Variants in SAG observed in about 807,000 individuals in gnomAD.
SAG encodes the protein S-antigen visual arrestin.
Under a neutral mutation model 55.0 loss-of-function variants are expected in SAG, and 45 were observed. The ratio of observed to expected loss-of-function variants is 0.82; its 90% CI spans 0.64 to 1.05. The LOEUF is 1.05. SAG is among the 50% of genes least tolerant of loss of function. The pLI, the probability that SAG is intolerant of heterozygous loss-of-function variation, is 0.00. For missense variants in SAG, 455 were observed against 512.1 expected (o/e 0.89, Z 1.08); for synonymous variants, 189 against 197.4 (o/e 0.96, Z 0.36).
At chr2:233,336,424 A>G (rs1700929447) in intron 11 of SAG, among the ~76,000 whole-genome samples, 1 of 151,934 alleles carries the variant, frequency 6.6e-6, no homozygotes, top group South Asian at 2.1e-4. Context: ...CTGAGACAGG[A>G]GAATCGCTTG....
At chr2:233,329,084 G>T (rs1326454411) in intron 8 of SAG, 1 of 237,244 alleles carries the variant, frequency 4.2e-6, no homozygotes, top group Non-Finnish European at 8.2e-6. Flanking sequence ...GCTGGCCAAG[G>T]CTGGCTCTGG....
intron 11 of SAG, among the ~76,000 whole-genome samples, chr2:233,336,650 T>C (rs1025135636): frequency 9.2e-5 from 14 of 152,180 alleles, no homozygotes; most frequent in Admixed American, 7.9e-4. Context: ...TTATCCAAGG[T>C]CACTGAATCA....
At chr2:233,318,331 ATT>A (rs75087181) in intron 3 of SAG, among the ~76,000 whole-genome samples, 1 of 145,838 alleles carries the variant, frequency 6.9e-6, no homozygotes. Context: ...CACCCAGCTA[ATT>A]TTTTTTTTTT....
intron 2 of SAG, among the ~76,000 whole-genome samples, chr2:233,310,129 G>T (rs1298185184): frequency 6.6e-6 from 1 of 152,212 alleles, no homozygotes; most frequent in Non-Finnish European, 1.5e-5. Context: ...GTGTGCCCAT[G>T]AACTTCCTCG....
chr2:233,342,200 A>G (rs1254962086), intron 13 of SAG, 71 bp from the exon 14 acceptor site: 3 of 1,154,544 alleles, frequency 2.6e-6, no homozygotes, highest in African/African-American at 1.5e-5. Context: ...CTCCGCAGCC[A>G]TAGGTCTTTG....
rs1186498920 is a variant in SAG at position 233,346,383 on chromosome 2, C to T, written c.1103-20C>T. 1.2e-6 allele frequency: 2 copies of T among 1,613,338 alleles called. No homozygotes were observed. The highest frequency in any genetic ancestry group is 1.7e-6 in the Non-Finnish European group (2 of 1,179,298). The stretch of plus-strand genomic sequence containing the variant: ...CTCTCTCTCCCTCTTCCCTGCCTCC[C>T]TTTTATTCCATGCTTACAGCTAAGG... On this transcript the variant is annotated intron_variant, in intron 14 of 15. Transcript: ENST00000409110.
chr2:233,310,650 G>T (rs1403437017), intron 2 of SAG, among the ~76,000 whole-genome samples: 1 of 152,024 alleles, frequency 6.6e-6, no homozygotes, highest in Non-Finnish European at 1.5e-5. Context: ...GGGACTACAG[G>T]CATGTGCCAC....
At chr2:233,310,077 C>T (rs1015206101) in intron 2 of SAG, among the ~76,000 whole-genome samples, 2 of 152,204 alleles carry the variant, frequency 1.3e-5, no homozygotes, top group African/African-American at 2.4e-5. Flanking sequence ...CCCCAGTCTG[C>T]CCCCTTTCCA....
chr2:233,318,733 C>T lies in SAG; in HGVS notation c.137-18C>T. 6.2e-7 allele frequency: 1 copy of T among 1,612,502 alleles called. No homozygotes were observed. The highest frequency in any genetic ancestry group is 1.1e-5 in the South Asian group (1 of 91,044). ...TCATCTTCTCCACCCTCACTGCTCT[C>T]TCCCTCTTTTGCCTTAGATGGTGTC... On this transcript the variant is annotated intron_variant, in intron 3 of 15. Transcript: ENST00000409110.
rs990074402 is a variant in SAG, at chr2:233,315,993, C to T, written c.76-82C>T. On this transcript the variant is annotated intron_variant, in intron 2 of 15. Coordinates refer to ENST00000409110, the MANE Select transcript of SAG (RefSeq NM_000541.5). ...AAGATTACAGGTGTGAGCCACCGCG[C>T]CCGGGCTGCTGCTGGTTTTTATCAT... 28 of 823,372 alleles carry T rather than the reference C, an allele frequency of 3.4e-5. No individual in the cohort carries two copies. In the Admixed American group the frequency reaches 3.7e-4, roughly 11 times the overall value. The allele number at this position is 823,372 out of a possible 1,614,324, so 51.0% of individuals were successfully genotyped here.
chr2:233,330,026 T>A (rs1396476574), intron 9 of SAG, among the ~76,000 whole-genome samples: 1 of 152,170 alleles, frequency 6.6e-6, no homozygotes, highest in African/African-American at 2.4e-5. Flanking sequence ...TTGTAAATGG[T>A]GAAGTGTGAC....
At chr2:233,330,471 CCCTCCCTTCCTTCCTTCCTT>C (rs1457011682) in intron 9 of SAG, among the ~76,000 whole-genome samples, 4,060 of 113,534 alleles carry the variant, frequency 0.036, 318 homozygotes, top group African/African-American at 0.1. Context: ...ACTTTTCCCT[CCCTCCCTTCCTTCCTTCCTT>C]CCTTCCTTCC....
At chr2:233,339,067 T>C (rs1346991095) in intron 12 of SAG, among the ~76,000 whole-genome samples, 2 of 152,242 alleles carry the variant, frequency 1.3e-5, no homozygotes, top group Admixed American at 6.5e-5. Context: ...TCAAATGTTA[T>C]CCTTCAGAAA....
At chr2:233,343,081 GTTTTTT>G (rs34180640) in intron 14 of SAG, 216 of 104,342 alleles carry the variant, frequency 2.1e-3, no homozygotes, top group Middle Eastern at 7.8e-3. Context: ...TTTTTTTGGG[GTTTTTT>G]TTTTTTTTTT....
chr2:233,320,613 C>T lies in SAG; in HGVS notation c.182-17C>T. 6.4e-7 allele frequency: 1 copy of T among 1,559,734 alleles called. No homozygotes were observed. The highest frequency in any genetic ancestry group is 1.2e-5 in the South Asian group (1 of 81,964). On this transcript the variant is annotated splice_polypyrimidine_tract_variant and intron_variant, in intron 4 of 15. Coordinates refer to ENST00000409110, the MANE Select transcript of SAG (RefSeq NM_000541.5). The stretch of plus-strand genomic sequence containing the variant: ...GGCCGAGGGCCAAGTCCGACCCTGC[C>T]TTCATCTCCCTTGCAGTGTATGTCA...
chr2:233,323,089 T>A (rs972482080), intron 6 of SAG, 84 bp downstream of exon 6: 5 of 883,654 alleles, frequency 5.7e-6, no homozygotes, highest in Non-Finnish European at 9.1e-6. Context: ...AACAGGGTTT[T>A]ACTCTGTCAC....
intron 6 of SAG, among the ~76,000 whole-genome samples, chr2:233,323,746 T>G (rs576284955): frequency 6.6e-6 from 1 of 152,312 alleles, no homozygotes; most frequent in South Asian, 2.1e-4. Flanking sequence ...AGATCCTCTA[T>G]GAACCCATCA....
intron 2 of SAG, among the ~76,000 whole-genome samples, chr2:233,313,770 C>T (rs1314471519): frequency 2.2e-5 from 3 of 137,072 alleles, no homozygotes; most frequent in Admixed American, 1.6e-4. Flanking sequence ...GAGGGGGTAT[C>T]ACTTTGTTGC....
At chr2:233,329,631 T>A in intron 9 of SAG, 54 bp downstream of exon 9, 1 of 1,282,596 alleles carries the variant, frequency 7.8e-7, no homozygotes, top group Non-Finnish European at 1.1e-6. Flanking sequence ...TTTCTGATCC[T>A]GTTTCCTGAG....
Sources: allele counts gnomAD v4.1 joint callset (sites outside exome capture counted in the v4.1 genomes callset), GRCh38; gene constraint gnomAD v4.1.1; transcripts MANE v1.5; gene names NCBI Gene and HGNC (gene_info 2026-07-23, HGNC 2026-07-21).